The following FAM50A variants were observed in gnomAD, a reference collection of about 807,000 sequenced individuals.
FAM50A encodes family with sequence similarity 50 member A.
FAM50A carries 6 observed loss-of-function variants against 35.5 expected under a neutral mutation model. The ratio of observed to expected loss-of-function variants is 0.17; its 90% CI spans 0.09 to 0.33. FAM50A has a LOEUF of 0.33. Among genes scored for constraint, FAM50A ranks in the 10% least tolerant of loss-of-function variants. The pLI, the probability that FAM50A is intolerant of heterozygous loss-of-function variation, is 1.00. For synonymous variants in FAM50A, 120 were observed against 110.9 expected (o/e 1.08, Z -0.52); for missense variants, 145 against 295.5 (o/e 0.49, Z 3.73).
chrX:154,447,603 G>A (rs997531874), intron 4 of FAM50A, among the ~76,000 whole-genome samples: 4 of 111,978 alleles, frequency 3.6e-5, no homozygotes, highest in South Asian at 7.4e-4. Context: ...TGTGTGCAGC[G>A]GGAGCTACTG....
chrX:154,448,170 G>A (rs1377145995), intron 4 of FAM50A, among the ~76,000 whole-genome samples: 1 of 104,765 alleles, frequency 9.5e-6, no homozygotes, highest in Non-Finnish European at 1.9e-5. Context: ...GCAGGCTCAA[G>A]CGATCCTCCC....
intron 4 of FAM50A, among the ~76,000 whole-genome samples, chrX:154,447,515 A>G (rs1193526287): frequency 8.9e-6 from 1 of 112,497 alleles, no homozygotes; most frequent in Non-Finnish European, 1.9e-5. Flanking sequence ...GCAGGATTTT[A>G]GTATGACATT....
intron 7 of FAM50A, 83 bp from the exon 8 acceptor site, chrX:154,449,138 G>A (rs2068794054): frequency 1.1e-6 from 1 of 937,972 alleles, no homozygotes; most frequent in Non-Finnish European, 1.5e-6. Context: ...GCGTCTGGCA[G>A]GGCCCTCTGG....
chrX:154,446,366 A>G, intron 3 of FAM50A, 49 bp from the exon 4 acceptor site: 1 of 1,133,970 alleles, frequency 8.8e-7, no homozygotes, highest in Non-Finnish European at 1.2e-6. Context: ...GGGCTGGGTC[A>G]GGGTCGGGAA....
In FAM50A at chrX:154,444,337, C is replaced by A. The variant is rs2068772773; in HGVS notation, c.102C>A (p.Arg34=). 2 of 1,100,931 alleles carry A rather than the reference C, an allele frequency of 1.8e-6. No individual in the cohort carries two copies. The highest frequency in any genetic ancestry group is 4.1e-5 in the South Asian group (2 of 48,924). 90.7% of individuals were successfully genotyped at this position (1,100,931 alleles called of 1,213,427 possible). A position where few individuals can be genotyped will look rare whatever the true frequency, so the allele number is the denominator to read the frequency against. The change falls in exon 1 of 13, where the codon CGC becomes CGA. Residue 34 remains arginine (R), a synonymous_variant. Transcript: ENST00000393600. The part of the protein sequence containing the change: ...QREQMEQMKQ[R]IAEENIMKSN... ...AGCAGATGGAGCAGATGAAGCAGCG[C>A]ATCGCGGAGGTGCGAGCCGGGGAGC... is the stretch of plus-strand genomic sequence containing the variant.
chrX:154,445,308 TCTC>T (rs2068777889), intron 1 of FAM50A: 2 of 281,958 alleles, frequency 7.1e-6, no homozygotes, highest in African/African-American at 2.7e-5. Context: ...TTGTTTGCCC[TCTC>T]CTCATAACCC....
At chrX:154,444,402 C>A in intron 1 of FAM50A, 56 bp downstream of exon 1, 1 of 775,469 alleles carries the variant, frequency 1.3e-6, no homozygotes, top group Non-Finnish European at 1.7e-6. Context: ...GGCGGCCCCG[C>A]GCCACGCTCC....
chrX:154,445,939 A>G (rs1557199762), intron 3 of FAM50A, 28 bp downstream of exon 3: 5 of 1,115,461 alleles, frequency 4.5e-6, no homozygotes, highest in Non-Finnish European at 6.2e-6. Context: ...AGCCCTCAAC[A>G]TGGAGCTAGT....
intron 7 of FAM50A, 76 bp from the exon 8 acceptor site, chrX:154,449,145 C>T (rs1363445323): frequency 1.2e-5 from 12 of 981,473 alleles, no homozygotes; most frequent in Non-Finnish European, 1.6e-5. Context: ...GCAGGGCCCT[C>T]TGGGCCTCTG....
rs1294950321 is a variant in FAM50A, at chrX:154,446,392, TG to T, written c.297-19del. On this transcript the variant is annotated intron_variant, in intron 3 of 12. Transcript: ENST00000393600. ...GGGTCGGGAAGGACATGATGTGTGATGGGGCCACCTGCACCTCACTAGGAAG... is the reference window on the plus strand; with the variant it reads ...GGGTCGGGAAGGACATGATGTGTGATGGGCCACCTGCACCTCACTAGGAAG... 11 of 1,200,195 alleles carry T rather than the reference TG, an allele frequency of 9.2e-6. No individual in the cohort carries two copies. In the African/African-American group the frequency reaches 1.8e-4, roughly 19 times the overall value.
At chrX:154,447,907 C>T (rs1166682693) in intron 4 of FAM50A, among the ~76,000 whole-genome samples, 6 of 110,866 alleles carry the variant, frequency 5.4e-5, no homozygotes, top group African/African-American at 2.0e-4. Context: ...CTGTGTGTCA[C>T]TGGGGCTTTT....
chrX:154,448,671 T>G lies in FAM50A; in HGVS notation c.520-19T>G. The G allele has an allele frequency of 8.3e-7, 1 of 1,208,316 alleles. No homozygotes were observed. The highest frequency in any genetic ancestry group is 3.0e-5 in the East Asian group (1 of 33,757). On this transcript the variant is annotated intron_variant, in intron 5 of 12. Coordinates refer to ENST00000393600, the MANE Select transcript of FAM50A (RefSeq NM_004699.4). The stretch of plus-strand genomic sequence containing the variant: ...TGAGCAGCCCTGGGCCTCACCTGTC[T>G]GCCTGCTCCCTCTCCCAGGAGGAGG...
chrX:154,449,052 G>A, intron 7 of FAM50A, 98 bp downstream of exon 7: 1 of 938,389 alleles, frequency 1.1e-6, no homozygotes, highest in Non-Finnish European at 1.5e-6. Context: ...AAGCCCCAGG[G>A]ATCCTGAGGA....
intron 4 of FAM50A, among the ~76,000 whole-genome samples, chrX:154,448,059 C>CTTTTTTTTCTTTCTTTTT (rs2068788772): frequency 1.2e-5 from 1 of 84,801 alleles, no homozygotes; most frequent in Non-Finnish European, 2.1e-5. Flanking sequence ...TTGTTCTTTT[C>CTTTTTTTTCTTTCTTTTT]TTTTTTTTCT....
In FAM50A at chrX:154,444,226, CGCCGCT is replaced by C. The variant is rs782314598; in HGVS notation, c.-6_-1del. On this transcript the variant is annotated 5_prime_UTR_variant, in exon 1 of 13. Coordinates refer to ENST00000393600, the MANE Select transcript of FAM50A (RefSeq NM_004699.4). ...CGCCCGCCGCCGCCGCCGCCGCCGCCGCCGCTGCCATGGCTCAATACAAGGGCGCCG... is the reference window on the plus strand; with the variant it reads ...CGCCCGCCGCCGCCGCCGCCGCCGCCGCCATGGCTCAATACAAGGGCGCCG... The C allele has an allele frequency of 2.0e-5, 17 of 867,521 alleles. No individual in the cohort carries two copies. In the Admixed American group the frequency reaches 9.7e-4, roughly 50 times the overall value. The allele number at this position is 867,521 out of a possible 1,213,427, so 71.5% of individuals were successfully genotyped here.
At position 154,444,324 on chromosome X, in the gene FAM50A, A is replaced by G; in HGVS notation, c.89A>G (p.Gln30Arg). The change falls in exon 1 of 13, where the codon CAG becomes CGG. Residue 30 changes from glutamine to arginine, a missense_variant. Gln to Arg is a conservative substitution (Grantham distance 43, BLOSUM62 1). This residue lies in a region of FAM50A where 19 missense variants were observed against 16.3 expected (regional missense o/e 1.17). Coordinates refer to ENST00000393600, the MANE Select transcript of FAM50A (RefSeq NM_004699.4). ...GAGAAGCAGCGCGAGCAGATGGAGC[A>G]GATGAAGCAGCGCATCGCGGAGGTG... ...KREKQREQME[Q>R]MKQRIAEENI... is the part of the protein sequence containing the mutation. 6 of 1,115,477 alleles carry G rather than the reference A, an allele frequency of 5.4e-6. No individual in the cohort carries two copies. Among genetic ancestry groups the G allele is most frequent in the Non-Finnish European group, 4.7e-6 (4 of 844,417 alleles). The allele number at this position is 1,115,477 out of a possible 1,213,427, so 91.9% of individuals were successfully genotyped here. A position where few individuals can be genotyped will look rare whatever the true frequency, so the allele number is the denominator to read the frequency against.
At chrX:154,445,514 G>A in intron 1 of FAM50A, 119 bp from the exon 2 acceptor site, 1 of 567,808 alleles carries the variant, frequency 1.8e-6, no homozygotes, top group Admixed American at 2.5e-5. Flanking sequence ...CCAGCCTCAT[G>A]GAACCTTCCA....
At chrX:154,449,764 G>C (rs890166864) in intron 9 of FAM50A, 29 bp downstream of exon 9, 1 of 1,197,758 alleles carries the variant, frequency 8.3e-7, no homozygotes, top group Non-Finnish European at 1.1e-6. Context: ...AGTACCCGCA[G>C]TGGGTGCAGC....
Position 154,446,396 on chromosome X carries a change from G to A in FAM50A, c.297-19G>A. On this transcript the variant is annotated intron_variant, in intron 3 of 12. Coordinates refer to ENST00000393600, the MANE Select transcript of FAM50A (RefSeq NM_004699.4). ...CGGGAAGGACATGATGTGTGATGGG[G>A]CCACCTGCACCTCACTAGGAAGCTG... 2 of 1,205,062 alleles carry A rather than the reference G, an allele frequency of 1.7e-6. No homozygotes were observed. Among genetic ancestry groups the A allele is most frequent in the Non-Finnish European group, 2.2e-6 (2 of 889,340 alleles).
Sources: allele counts gnomAD v4.1 joint callset (sites outside exome capture counted in the v4.1 genomes callset), GRCh38; gene constraint gnomAD v4.1.1; regional missense constraint gnomAD v4.1.1; transcripts MANE v1.5; gene names NCBI Gene and HGNC (gene_info 2026-07-23, HGNC 2026-07-21).